The following GCM1 variants were observed in gnomAD, a reference collection of about 807,000 sequenced individuals.
GCM1 encodes the protein chorion-specific transcription factor GCMa.
GCM1 carries 2 observed loss-of-function variants against 25.7 expected under a neutral mutation model. The observed-to-expected ratio is 0.08, with a 90% CI of 0.03 to 0.24. The LOEUF is 0.24. GCM1 is among the 10% of genes least tolerant of loss of function. GCM1 has a pLI of 1.00. For synonymous variants in GCM1, 183 were observed against 195.7 expected (o/e 0.94, Z 0.54); for missense variants, 395 against 538.7 (o/e 0.73, Z 2.64).
At chr6:53,136,465 G>A (rs1309833693) in intron 2 of GCM1, among the ~76,000 whole-genome samples, 1 of 152,152 alleles carries the variant, frequency 6.6e-6, no homozygotes, top group Non-Finnish European at 1.5e-5. Context: ...CCCACAGGGA[G>A]GTTTTGAGGA....
At chr6:53,144,984 AAGAG>A (rs57710769) in intron 2 of GCM1, among the ~76,000 whole-genome samples, 4 of 148,370 alleles carry the variant, frequency 2.7e-5, no homozygotes, top group Admixed American at 6.7e-5. Context: ...AATGAAAAGA[AAGAG>A]AGAGAGAAAG....
chr6:53,126,982 T>A lies in GCM1; in HGVS notation c.*1224A>T, dbSNP rs1355680940. On this transcript the variant is annotated 3_prime_UTR_variant, in exon 6 of 6. Transcript: ENST00000259803. The stretch of plus-strand genomic sequence containing the variant: ...ATAATTTATTTCAAAAATACTTGTT[T>A]ATTGCATGGTTCTCTCCAGATTTTA... The A allele has an allele frequency of 6.6e-6, 1 of 152,170 alleles. No individual in the cohort carries two copies. Among genetic ancestry groups the A allele is most frequent in the East Asian group, 1.9e-4 (1 of 5,204 alleles). 9.4% of individuals were successfully genotyped at this position (152,170 alleles called of 1,614,324 possible).
At chr6:53,146,443 C>T (rs1412094817) in intron 1 of GCM1, among the ~76,000 whole-genome samples, 1 of 151,808 alleles carries the variant, frequency 6.6e-6, no homozygotes, top group Non-Finnish European at 1.5e-5. Flanking sequence ...TGGTCTCGAA[C>T]TCCTGACCTC....
chr6:53,134,120 T>A lies in GCM1; in HGVS notation c.280A>T (p.Ile94Phe). 2 of 1,614,176 alleles carry A rather than the reference T, an allele frequency of 1.2e-6. No individual in the cohort carries two copies. Among genetic ancestry groups the A allele is most frequent in the South Asian group, 2.2e-5 (2 of 91,078 alleles). ...TCACAGATGGCAGGTCTCAGGTAGA[T>A]CTTGCGCCCCTCCTCTGCGAGACAG... ...RDCLAEEGRK[I>F]YLRPAICDKA... The change falls in exon 3 of 6, where the codon ATC becomes TTC. Residue 94 changes from isoleucine (I) to phenylalanine (F), a missense_variant. Physicochemically the swap from Ile to Phe is conservative, Grantham distance 21. Transcript: ENST00000259803.
chr6:53,137,851 G>A (rs1336850200), intron 2 of GCM1, among the ~76,000 whole-genome samples: 1 of 152,204 alleles, frequency 6.6e-6, no homozygotes, highest in South Asian at 2.1e-4. Context: ...GGAGCGGAAT[G>A]TATTTGTGAG....
rs757572210 is a variant in GCM1 at position 53,134,045 on chromosome 6, T to C, written c.328+27A>G. 2.2e-5 allele frequency: 35 copies of C among 1,605,838 alleles called. No homozygotes were observed. The African/African-American group carries it at 4.4e-4, about 20-fold the overall frequency. On this transcript the variant is annotated intron_variant, in intron 3 of 5. Coordinates refer to ENST00000259803, the MANE Select transcript of GCM1 (RefSeq NM_003643.4). ...GGGCATCTGAGGGATGCCAGCTTTTTTGCTGGTGCCACTAAGCTCTACTCA... is the reference window on the plus strand; with the variant it reads ...GGGCATCTGAGGGATGCCAGCTTTTCTGCTGGTGCCACTAAGCTCTACTCA...
At chr6:53,131,859 T>C in intron 4 of GCM1, 148 bp downstream of exon 4, 1 of 639,798 alleles carries the variant, frequency 1.6e-6, no homozygotes, top group South Asian at 1.8e-5. Flanking sequence ...ACTTCAAACA[T>C]CTATTAGAAG....
chr6:53,130,637 T>A (rs1038003540), intron 5 of GCM1, among the ~76,000 whole-genome samples, 166 bp downstream of exon 5: 14 of 152,164 alleles, frequency 9.2e-5, no homozygotes, highest in African/African-American at 3.4e-4. Flanking sequence ...AAAGTAAGAG[T>A]AAAGCCTCAG....
chr6:53,146,824 T>A (rs73445599), intron 1 of GCM1, among the ~76,000 whole-genome samples: 1 of 152,058 alleles, frequency 6.6e-6, no homozygotes, highest in Non-Finnish European at 1.5e-5. Context: ...CTTAAGTCTA[T>A]GAGTTCAAGA....
In GCM1 at chr6:53,135,890, A is replaced by C. The variant is rs148776288; in HGVS notation, c.76-1566T>G. On this transcript the variant is annotated intron_variant, in intron 2 of 5. Transcript: ENST00000259803. ...TAGAATTCAAATTTAGAACGTGCCAAAGAACTTTGTAACTTGAGACTCTGG... is the reference window on the plus strand; with the variant it reads ...TAGAATTCAAATTTAGAACGTGCCACAGAACTTTGTAACTTGAGACTCTGG... 1.2e-3 allele frequency among the ~76,000 whole-genome samples: 188 copies of C among 152,376 alleles called. 2 individuals are homozygous for C. The highest frequency in any genetic ancestry group is 4.3e-3 in the African/African-American group (179 of 41,592).
At chr6:53,133,489 G>C (rs1481996014) in intron 3 of GCM1, among the ~76,000 whole-genome samples, 1 of 151,700 alleles carries the variant, frequency 6.6e-6, no homozygotes, top group Non-Finnish European at 1.5e-5. Flanking sequence ...ACAGTGCCCG[G>C]CCATTTTTCC....
At chr6:53,132,955 G>A (rs1268603260) in intron 3 of GCM1, among the ~76,000 whole-genome samples, 1 of 152,178 alleles carries the variant, frequency 6.6e-6, no homozygotes, top group Non-Finnish European at 1.5e-5. Context: ...CAGTGAATGT[G>A]TTTTAGAAAA....
intron 2 of GCM1, among the ~76,000 whole-genome samples, chr6:53,136,804 G>A (rs1396190798): frequency 9.9e-5 from 15 of 151,984 alleles, no homozygotes; most frequent in South Asian, 4.2e-4. Flanking sequence ...GCAAAACCCC[G>A]TCTCTACTAA....
chr6:53,128,111 T>G lies in GCM1; in HGVS notation c.*95A>C. ...TACTGCTTATCATGATTCTCATTTA[T>G]CTGTGGTTATGTTTTAAAAATTATT... On this transcript the variant is annotated 3_prime_UTR_variant, in exon 6 of 6. Transcript: ENST00000259803. 2.4e-6 allele frequency: 2 copies of G among 821,134 alleles called. No homozygotes were observed. Among genetic ancestry groups the G allele is most frequent in the Non-Finnish European group, 3.8e-6 (2 of 520,042 alleles). 50.9% of individuals were successfully genotyped at this position (821,134 alleles called of 1,614,324 possible).
chr6:53,132,557 C>T (rs987636822), intron 3 of GCM1, among the ~76,000 whole-genome samples: 1 of 152,094 alleles, frequency 6.6e-6, no homozygotes, highest in Non-Finnish European at 1.5e-5. Flanking sequence ...ACTAAAAATA[C>T]AAAAATTAGC....
chr6:53,144,288 G>C (rs1177284663), intron 2 of GCM1, among the ~76,000 whole-genome samples: 1 of 151,832 alleles, frequency 6.6e-6, no homozygotes, highest in African/African-American at 2.4e-5. Context: ...AGCCAGGAGT[G>C]GTGGCACATG....
At chr6:53,129,115 G>A (rs80160296) in intron 5 of GCM1, among the ~76,000 whole-genome samples, 169 bp from the exon 6 acceptor site, 3 of 152,052 alleles carry the variant, frequency 2.0e-5, no homozygotes, top group Non-Finnish European at 2.9e-5. Context: ...CCACAACCAC[G>A]AAACACTTGA....
At position 53,128,999 on chromosome 6, in the gene GCM1, C is replaced by T. The variant is rs976960152; in HGVS notation, c.571-53G>A. The T allele has an allele frequency of 8.4e-6, 12 of 1,430,158 alleles. No homozygotes were observed. The African/African-American group carries it at 1.4e-4, about 17-fold the overall frequency. 88.6% of individuals were successfully genotyped at this position (1,430,158 alleles called of 1,614,324 possible). ...TAATAAGTTAAGCAAATCAAAACCA[C>T]TGCCATAGGCACCCATGAGTTACTC... On this transcript the variant is annotated intron_variant, in intron 5 of 5. Transcript: ENST00000259803.
chr6:53,143,273 C>T (rs1763906762), intron 2 of GCM1, among the ~76,000 whole-genome samples: 1 of 152,166 alleles, frequency 6.6e-6, no homozygotes, highest in South Asian at 2.1e-4. Flanking sequence ...AGTTTAATGT[C>T]ATGGGTAGCT....
Sources: gnomAD v4.1 joint callset for allele counts (sites outside exome capture counted in the v4.1 genomes callset) on GRCh38, gnomAD v4.1.1 for gene constraint, MANE v1.5 for transcripts, NCBI Gene and HGNC (gene_info 2026-07-23, HGNC 2026-07-21) for gene names.